Variants in BABAM2 observed in about 807,000 individuals in gnomAD.
BABAM2 encodes BRISC and BRCA1 A complex member 2.
BABAM2 carries 31 observed loss-of-function variants against 54.7 expected under a neutral mutation model. That is an observed-to-expected ratio of 0.57 (90% CI 0.43 to 0.77). BABAM2 has a LOEUF of 0.77. Ranked by LOEUF, BABAM2 falls within the 30% of genes least tolerant of loss-of-function variation. The probability of loss-of-function intolerance (pLI) is 0.00; values close to 1 mark genes in which losing one functional copy is unlikely to be tolerated. For synonymous variants in BABAM2, 167 were observed against 162.9 expected (o/e 1.03, Z -0.19); for missense variants, 364 against 455.8 (o/e 0.80, Z 1.83).
At chr2:27,987,411 C>G (rs1672476656) in intron 3 of BABAM2, among the ~76,000 whole-genome samples, 1 of 152,142 alleles carries the variant, frequency 6.6e-6, no homozygotes, top group Non-Finnish European at 1.5e-5. Flanking sequence ...TAAAAATAAT[C>G]AGTACATATT....
intron 4 of BABAM2, chr2:28,016,514 A>G (rs1293737910): frequency 1.8e-5 from 16 of 873,904 alleles, no homozygotes; most frequent in African/African-American, 1.7e-4. Flanking sequence ...TCGCACGCCG[A>G]GGGAAACTGG....
At chr2:28,125,526 C>T (rs571196054) in intron 6 of BABAM2, among the ~76,000 whole-genome samples, 1 of 152,242 alleles carries the variant, frequency 6.6e-6, no homozygotes, top group African/African-American at 2.4e-5. Flanking sequence ...CTCCTGACCT[C>T]AGGTAATCCA....
chr2:27,941,799 A>G (rs1268385577), intron 3 of BABAM2, among the ~76,000 whole-genome samples: 2 of 152,208 alleles, frequency 1.3e-5, no homozygotes. Flanking sequence ...ATTCCATACT[A>G]TATCACTAAA....
At chr2:28,252,965 CT>C (rs1367780999) in intron 10 of BABAM2, among the ~76,000 whole-genome samples, 2 of 152,174 alleles carry the variant, frequency 1.3e-5, no homozygotes, top group African/African-American at 4.8e-5. Flanking sequence ...TACAGAGTAA[CT>C]CTTATGTTAT....
chr2:27,981,929 C>T (rs1672031086), intron 3 of BABAM2, among the ~76,000 whole-genome samples: 1 of 152,084 alleles, frequency 6.6e-6, no homozygotes, highest in South Asian at 2.1e-4. Flanking sequence ...TGAGGAACTG[C>T]CAGACTGTTT....
At chr2:28,145,229 GGAT>G (rs922485539) in intron 7 of BABAM2, among the ~76,000 whole-genome samples, 3 of 152,242 alleles carry the variant, frequency 2.0e-5, no homozygotes, top group Non-Finnish European at 2.9e-5. Context: ...AGAGCTGGGA[GGAT>G]GCCCTGCATG....
intron 11 of BABAM2, among the ~76,000 whole-genome samples, chr2:28,326,747 C>CA (rs1360198486): frequency 6.6e-6 from 1 of 152,104 alleles, no homozygotes; most frequent in Non-Finnish European, 1.5e-5. Flanking sequence ...ACAGGGTGAG[C>CA]ACCAAGGGCA....
intron 7 of BABAM2, among the ~76,000 whole-genome samples, chr2:28,157,694 C>T (rs1342444739): frequency 6.6e-6 from 1 of 152,206 alleles, no homozygotes; most frequent in Non-Finnish European, 1.5e-5. Flanking sequence ...TCACTGCAAC[C>T]TCCAACTCCT....
Position 28,127,007 on chromosome 2 carries a change from T to C in BABAM2, c.571-2264T>C, listed in dbSNP as rs373200869. The stretch of plus-strand genomic sequence containing the variant: ...ATGGGGTTGTTTTTTTCTTGTAAAT[T>C]TGTTTGAGTTCATTGTAGATTCTGG... On this transcript the variant is annotated intron_variant, in intron 6 of 11. Coordinates refer to ENST00000379624, the MANE Select transcript of BABAM2 (RefSeq NM_199191.3). Among the ~76,000 whole-genome samples the C allele has an allele frequency of 8.7e-4, 132 of 151,998 alleles. 1 individual carries two copies. The East Asian group carries it at 0.019, about 22-fold the overall frequency.
At chr2:28,116,769 G>C (rs1161541028) in intron 6 of BABAM2, among the ~76,000 whole-genome samples, 1 of 152,160 alleles carries the variant, frequency 6.6e-6, no homozygotes, top group African/African-American at 2.4e-5. Flanking sequence ...CTCATGCCTG[G>C]ATCTTGCTGG....
chr2:28,141,740 C>T (rs780208845), intron 7 of BABAM2, among the ~76,000 whole-genome samples: 46 of 152,242 alleles, frequency 3.0e-4, no homozygotes, highest in Admixed American at 1.2e-3. Context: ...TCAGATTTTC[C>T]ATGATTTTCT....
At chr2:28,205,599 A>C (rs6732163) in intron 7 of BABAM2, among the ~76,000 whole-genome samples, 2 of 152,100 alleles carry the variant, frequency 1.3e-5, no homozygotes, top group African/African-American at 4.8e-5. Context: ...CAAGTTCCTT[A>C]CAATGTATGT....
At chr2:28,280,635 T>C (rs538184892) in intron 10 of BABAM2, among the ~76,000 whole-genome samples, 1 of 152,290 alleles carries the variant, frequency 6.6e-6, no homozygotes, top group East Asian at 1.9e-4. Flanking sequence ...AGACCTGGGG[T>C]TCACACATCC....
intron 3 of BABAM2, among the ~76,000 whole-genome samples, chr2:27,981,874 C>T (rs964687365): frequency 2.0e-5 from 3 of 152,064 alleles, no homozygotes; most frequent in Non-Finnish European, 2.9e-5. Context: ...TGTATACCTA[C>T]GAGTGGATTT....
chr2:28,325,255 G>A lies in BABAM2; in HGVS notation c.1089-13195G>A, dbSNP rs1221086353. ...CTTTCTGTAACGGAAGCCTGGGGCCGCAGGGCTACCTGCTGTCAGCATGTG... is the reference window on the plus strand; with the variant it reads ...CTTTCTGTAACGGAAGCCTGGGGCCACAGGGCTACCTGCTGTCAGCATGTG... On this transcript the variant is annotated intron_variant, in intron 11 of 11. Coordinates refer to ENST00000379624, the MANE Select transcript of BABAM2 (RefSeq NM_199191.3). This position sits in a 1 kb window ranked among gnomAD's most constrained non-coding sequence, Gnocchi z 4.3. 2.6e-5 allele frequency among the ~76,000 whole-genome samples: 4 copies of A among 152,070 alleles called. No homozygotes were observed. Among genetic ancestry groups the A allele is most frequent in the African/African-American group, 7.2e-5 (3 of 41,404 alleles).
intron 4 of BABAM2, among the ~76,000 whole-genome samples, chr2:28,007,964 A>G (rs988608416): frequency 2.6e-5 from 4 of 152,102 alleles, no homozygotes; most frequent in Non-Finnish European, 5.9e-5. Context: ...TGGATCCTTT[A>G]ATATACCTAA....
At chr2:28,297,516 A>T (rs2148239794) in intron 10 of BABAM2, among the ~76,000 whole-genome samples, 1 of 152,356 alleles carries the variant, frequency 6.6e-6, no homozygotes, top group East Asian at 1.9e-4. Flanking sequence ...ATAACAAGTC[A>T]GTTTACTTTT....
At chr2:28,147,371 A>G (rs1257814928) in intron 7 of BABAM2, among the ~76,000 whole-genome samples, 1 of 152,228 alleles carries the variant, frequency 6.6e-6, no homozygotes, top group Non-Finnish European at 1.5e-5. Flanking sequence ...ACTTTTAAAA[A>G]CATTATTTAG....
At chr2:28,309,045 G>A (rs1233144874) in intron 11 of BABAM2, 1 of 152,282 alleles carries the variant, frequency 6.6e-6, no homozygotes, top group Admixed American at 6.5e-5. Context: ...AAGATGCCTG[G>A]GTTCTCAGTT....
Sources: allele counts gnomAD v4.1 joint callset (sites outside exome capture counted in the v4.1 genomes callset), GRCh38; gene constraint gnomAD v4.1.1; non-coding constraint Gnocchi (gnomAD v3.1); transcripts MANE v1.5; gene names NCBI Gene and HGNC (gene_info 2026-07-23, HGNC 2026-07-21).